ARHGEF4: variants seen among roughly 807,000 people sequenced by gnomAD.
ARHGEF4 encodes APC-stimulated guanine nucleotide exchange factor 1.
A neutral mutation model predicts 162.0 loss-of-function variants in ARHGEF4; 119 were observed. That is an observed-to-expected ratio of 0.73 (90% CI 0.63 to 0.86). The LOEUF is 0.86. ARHGEF4 is among the 40% of genes least tolerant of loss of function. The pLI is 0.00. For missense variants in ARHGEF4, 2,488 were observed against 2,456.0 expected (o/e 1.01, Z -0.28); for synonymous variants, 1,014 against 979.9 (o/e 1.03, Z -0.65).
chr2:131,009,679 G>T (rs992509080), intron 4 of ARHGEF4, among the ~76,000 whole-genome samples: 3 of 151,946 alleles, frequency 2.0e-5, no homozygotes, highest in African/African-American at 7.3e-5. Context: ...TCCAGTTCTG[G>T]AATTTCTATT....
intron 4 of ARHGEF4, among the ~76,000 whole-genome samples, chr2:130,970,587 CAAAAAA>C (rs57254908): frequency 1.8e-4 from 21 of 116,936 alleles, no homozygotes; most frequent in Non-Finnish European, 1.6e-4. Context: ...GAAACTCCAT[CAAAAAA>C]AAAAAAAAAA....
intron 1 of ARHGEF4, among the ~76,000 whole-genome samples, chr2:130,885,269 G>A (rs1034790081): frequency 6.6e-6 from 1 of 152,012 alleles, no homozygotes; most frequent in Non-Finnish European, 1.5e-5. Context: ...AAGTCAACAG[G>A]GTTGAATACA....
At position 130,914,658 on chromosome 2, in the gene ARHGEF4, G is replaced by C. The variant is rs77638088; in HGVS notation, c.712G>C (p.Gly238Arg). 1.1e-5 allele frequency: 15 copies of C among 1,389,190 alleles called. No homozygotes were observed. In the East Asian group the frequency reaches 3.9e-4, roughly 36 times the overall value. The allele number at this position is 1,389,190 out of a possible 1,614,324, so 86.1% of individuals were successfully genotyped here. The change falls in exon 2 of 14, where the codon GGT becomes CGT. Residue 238 changes from glycine to arginine, a missense_variant. By Grantham distance (125) the Gly-to-Arg change is moderately radical. Coordinates refer to ENST00000409359, the MANE Select transcript of ARHGEF4 (RefSeq NM_001367493.1). ...CTTCCTTCTCTGGTGCTGTGAACTG[G>C]GTCGGAGTTGGCCACATATCCACAA... ...WPFLLWCCELGRSWPHIHNRA... is the reference protein window; with the variant it reads ...WPFLLWCCELRRSWPHIHNRA...
intron 4 of ARHGEF4, among the ~76,000 whole-genome samples, chr2:130,998,493 A>G (rs1216192484): frequency 6.6e-6 from 1 of 152,156 alleles, no homozygotes; most frequent in Non-Finnish European, 1.5e-5. Flanking sequence ...ACCTTTGGCC[A>G]CTGATAATTT....
At chr2:130,917,524 T>C (rs1390307136) in intron 2 of ARHGEF4, 26 bp downstream of exon 2, 2 of 1,527,802 alleles carry the variant, frequency 1.3e-6, no homozygotes, top group Admixed American at 2.1e-5. Flanking sequence ...GCACCAAGCC[T>C]TTCCTGACCT....
intron 2 of ARHGEF4, among the ~76,000 whole-genome samples, chr2:130,926,052 T>TTCTTTCTTTCTTTCTTTCTTTCTTTC (rs1682259095): frequency 4.1e-5 from 4 of 98,382 alleles, no homozygotes; most frequent in African/African-American, 1.6e-4. Context: ...TTCTTTCTCT[T>TTCTTTCTTTCTTTCTTTCTTTCTTTC]TCTTTCTTTC....
intron 4 of ARHGEF4, among the ~76,000 whole-genome samples, chr2:131,010,883 C>T (rs1688406062): frequency 6.6e-6 from 1 of 152,200 alleles, no homozygotes; most frequent in Non-Finnish European, 1.5e-5. Context: ...GAGGCATTTC[C>T]ACTTTAGAAA....
chr2:131,001,153 T>G (rs936543449), intron 4 of ARHGEF4, among the ~76,000 whole-genome samples: 7 of 151,322 alleles, frequency 4.6e-5, no homozygotes, highest in African/African-American at 1.7e-4. Context: ...AAATACAAAC[T>G]TTAGCCGGGC....
chr2:130,876,374 A>G (rs1419625989), intron 1 of ARHGEF4, among the ~76,000 whole-genome samples: 1 of 152,162 alleles, frequency 6.6e-6, no homozygotes, highest in Non-Finnish European at 1.5e-5. Flanking sequence ...ACTGTGTGCT[A>G]GGTACTTTGT....
intron 5 of ARHGEF4, among the ~76,000 whole-genome samples, chr2:131,031,191 T>C (rs1394983282): frequency 6.6e-6 from 1 of 152,210 alleles, no homozygotes; most frequent in Non-Finnish European, 1.5e-5. Context: ...ATATCTAAGA[T>C]GTTTGACATC....
chr2:130,846,485 C>T (rs575262111), intron 1 of ARHGEF4, among the ~76,000 whole-genome samples: 4 of 152,358 alleles, frequency 2.6e-5, no homozygotes, highest in African/African-American at 9.6e-5. Flanking sequence ...AGCGCCCTCA[C>T]TCCAGGACCC....
intron 1 of ARHGEF4, among the ~76,000 whole-genome samples, chr2:130,877,872 T>C (rs936152029): frequency 6.6e-6 from 1 of 152,204 alleles, no homozygotes; most frequent in African/African-American, 2.4e-5. Flanking sequence ...GTTGGGGATT[T>C]TGACTGTTTG....
intron 1 of ARHGEF4, among the ~76,000 whole-genome samples, chr2:130,849,792 T>C (rs1190268374): frequency 6.6e-6 from 1 of 152,176 alleles, no homozygotes; most frequent in Non-Finnish European, 1.5e-5. Flanking sequence ...CTCAAACTTG[T>C]GACCTCAAGT....
intron 4 of ARHGEF4, among the ~76,000 whole-genome samples, chr2:130,960,974 C>T (rs553670302): frequency 4.7e-4 from 71 of 152,290 alleles, no homozygotes; most frequent in African/African-American, 1.7e-3. Flanking sequence ...GCATGGGGCT[C>T]GGCTGTCTGG....
intron 4 of ARHGEF4, among the ~76,000 whole-genome samples, chr2:131,025,818 G>A (rs925596651): frequency 1.3e-5 from 2 of 152,126 alleles, no homozygotes; most frequent in African/African-American, 4.8e-5. Context: ...TCATGGATGG[G>A]ACTCTCACAG....
At chr2:130,908,602 G>T (rs1304328041) in intron 1 of ARHGEF4, among the ~76,000 whole-genome samples, 1 of 152,132 alleles carries the variant, frequency 6.6e-6, no homozygotes, top group Non-Finnish European at 1.5e-5. Flanking sequence ...CTTGAACCCG[G>T]GAGGTGGACG....
chr2:130,999,450 C>A (rs1422458248), intron 4 of ARHGEF4, among the ~76,000 whole-genome samples: 1 of 152,112 alleles, frequency 6.6e-6, no homozygotes, highest in Non-Finnish European at 1.5e-5. Context: ...GCCACTGTGC[C>A]CGGCCATAAT....
rs1491492496 is a variant in ARHGEF4, at chr2:131,047,022, TAA to T, written c.*834_*835del. ...TTACGCTCGTGAGCGTGAGAAGCCA[TAA>T]GAGAGAGACCGAATTCTGTGGCTCA... is the stretch of plus-strand genomic sequence containing the variant. On this transcript the variant is annotated 3_prime_UTR_variant, in exon 14 of 14. Transcript: ENST00000409359. The T allele has an allele frequency of 2.6e-5, 4 of 152,514 alleles. No individual in the cohort carries two copies. Among genetic ancestry groups the T allele is most frequent in the African/African-American group, 4.8e-5 (2 of 41,442 alleles). The allele number at this position is 152,514 out of a possible 1,614,324, so 9.4% of individuals were successfully genotyped here.
chr2:131,004,169 T>C (rs947235196), intron 4 of ARHGEF4, among the ~76,000 whole-genome samples: 2 of 152,206 alleles, frequency 1.3e-5, no homozygotes. Context: ...TTTTGTTTTG[T>C]TTTGGGGTTT....
Sources: allele counts gnomAD v4.1 joint callset (sites outside exome capture counted in the v4.1 genomes callset), GRCh38; gene constraint gnomAD v4.1.1; transcripts MANE v1.5; gene names NCBI Gene and HGNC (gene_info 2026-07-23, HGNC 2026-07-21).